The following JAM2 variants were observed in gnomAD, a reference collection of about 807,000 sequenced individuals.
The protein encoded by JAM2 is junctional adhesion molecule B.
A neutral mutation model predicts 42.0 loss-of-function variants in JAM2; 17 were observed. The ratio of observed to expected loss-of-function variants is 0.40; its 90% CI spans 0.28 to 0.61. The LOEUF (loss-of-function observed/expected upper bound fraction) is 0.61. Ranked by LOEUF, JAM2 falls within the 20% of genes least tolerant of loss-of-function variation. The pLI, the probability that JAM2 is intolerant of heterozygous loss-of-function variation, is 0.37. For missense variants in JAM2, 319 were observed against 358.3 expected (o/e 0.89, Z 0.89); for synonymous variants, 118 against 128.6 (o/e 0.92, Z 0.56).
intron 7 of JAM2, among the ~76,000 whole-genome samples, chr21:25,706,349 T>A (rs1168525974): frequency 6.6e-6 from 1 of 152,114 alleles, no homozygotes; most frequent in Admixed American, 6.5e-5. Flanking sequence ...ACCCAGCTCA[T>A]CTTTGTATTT....
chr21:25,650,739 A>G (rs777038232), intron 1 of JAM2, among the ~76,000 whole-genome samples: 1 of 152,194 alleles, frequency 6.6e-6, no homozygotes, highest in Non-Finnish European at 1.5e-5. Context: ...TTATAGCCCT[A>G]TATTATAGTG....
At chr21:25,702,303 T>C in intron 6 of JAM2, 34 bp downstream of exon 6, 2 of 1,408,358 alleles carry the variant, frequency 1.4e-6, no homozygotes, top group Non-Finnish European at 2.0e-6. Context: ...ACAAATGGTT[T>C]GCAATTCGAC....
In JAM2 at chr21:25,689,302, G is replaced by A. The variant is rs547551253; in HGVS notation, c.134-564G>A. Among the ~76,000 whole-genome samples the A allele has an allele frequency of 2.0e-5, 3 of 152,292 alleles. No individual in the cohort carries two copies. The East Asian group carries it at 5.8e-4, about 29-fold the overall frequency. ...TTTGTAGAGAAGGTTGACAAAGAAG[G>A]GATCTGAGTGAGAATATAGCATGTT... On this transcript the variant is annotated intron_variant, in intron 2 of 9. Coordinates refer to ENST00000480456, the MANE Select transcript of JAM2 (RefSeq NM_021219.4).
intron 2 of JAM2, among the ~76,000 whole-genome samples, chr21:25,684,582 ATTG>A (rs1005305246): frequency 6.6e-5 from 10 of 151,968 alleles, no homozygotes; most frequent in East Asian, 1.9e-4. Flanking sequence ...ATAAGCTTTC[ATTG>A]TTGTTGTTGT....
chr21:25,687,824 G>C (rs1404115369), intron 2 of JAM2, among the ~76,000 whole-genome samples: 1 of 152,120 alleles, frequency 6.6e-6, no homozygotes, highest in Non-Finnish European at 1.5e-5. Context: ...GGTGAACTCT[G>C]GCTACTGTTT....
chr21:25,684,379 G>C (rs893497350), intron 2 of JAM2, among the ~76,000 whole-genome samples: 5 of 152,128 alleles, frequency 3.3e-5, no homozygotes, highest in African/African-American at 1.2e-4. Context: ...TTTATAAGGA[G>C]GAGTTAATTT....
chr21:25,660,793 T>A (rs2033067684), intron 1 of JAM2, among the ~76,000 whole-genome samples: 3 of 93,612 alleles, frequency 3.2e-5, no homozygotes, highest in African/African-American at 1.0e-4. Context: ...TTTTTTTTTT[T>A]TTTTTTTTTT....
At chr21:25,643,091 A>G (rs1378173252) in intron 1 of JAM2, among the ~76,000 whole-genome samples, 1 of 152,230 alleles carries the variant, frequency 6.6e-6, no homozygotes, top group South Asian at 2.1e-4. Flanking sequence ...TGGTGATTAG[A>G]TTTCAACATA....
chr21:25,655,507 G>C (rs2032910146), intron 1 of JAM2, among the ~76,000 whole-genome samples: 1 of 143,914 alleles, frequency 6.9e-6, no homozygotes, highest in Non-Finnish European at 1.5e-5. Flanking sequence ...TTGAGACGGA[G>C]TCTCACTCTG....
At chr21:25,684,024 C>A in intron 2 of JAM2, 76 bp downstream of exon 2, 2 of 948,264 alleles carry the variant, frequency 2.1e-6, no homozygotes, top group South Asian at 1.8e-5. Context: ...ATGTTATTTT[C>A]TATTTGTTGG....
At chr21:25,714,501 A>G in intron 9 of JAM2, 139 bp from the exon 10 acceptor site, 1 of 668,630 alleles carries the variant, frequency 1.5e-6, no homozygotes, top group Non-Finnish European at 2.3e-6. Flanking sequence ...CCATCTCAAA[A>G]AATAAAATAA....
Position 25,689,929 on chromosome 21 carries a change from T to A in JAM2, c.197T>A (p.Leu66Gln), listed in dbSNP as rs1469026520. The change falls in exon 3 of 10, where the codon CTG becomes CAG. Residue 66 changes from leucine to glutamine, a missense_variant. Leu to Gln is a moderately radical substitution (Grantham distance 113, BLOSUM62 -2). Coordinates refer to ENST00000480456, the MANE Select transcript of JAM2 (RefSeq NM_021219.4). The stretch of plus-strand genomic sequence containing the variant: ...TCCTCCAGATTAGAGTGGAAGAAAC[T>A]GGGTCGGAGTGTCTCCTTTGTCTAC... Reference protein sequence around the residue: ...TVSSRLEWKKLGRSVSFVYYQ... With the variant: ...TVSSRLEWKKQGRSVSFVYYQ... 6.2e-7 allele frequency: 1 copy of A among 1,613,694 alleles called. No individual in the cohort carries two copies.
At chr21:25,640,439 G>A (rs2032401025) in intron 1 of JAM2, among the ~76,000 whole-genome samples, 1 of 152,222 alleles carries the variant, frequency 6.6e-6, no homozygotes, top group Admixed American at 6.5e-5. Context: ...CTCTCCACCT[G>A]CACATCTACA....
chr21:25,655,204 A>G (rs1037898607), intron 1 of JAM2, among the ~76,000 whole-genome samples: 5 of 152,062 alleles, frequency 3.3e-5, no homozygotes, highest in African/African-American at 1.2e-4. Context: ...TAAAATCTTT[A>G]TAACTTTAAT....
At chr21:25,655,214 T>C (rs932110200) in intron 1 of JAM2, among the ~76,000 whole-genome samples, 1 of 151,944 alleles carries the variant, frequency 6.6e-6, no homozygotes, top group African/African-American at 2.4e-5. Flanking sequence ...ATAACTTTAA[T>C]CTGGATGATG....
intron 1 of JAM2, among the ~76,000 whole-genome samples, chr21:25,642,231 C>T (rs2032466432): frequency 6.6e-6 from 1 of 152,058 alleles, no homozygotes; most frequent in Admixed American, 6.6e-5. Flanking sequence ...GAGAGTTATG[C>T]TCCATCTCCT....
chr21:25,705,367 AC>A (rs1393012466), intron 6 of JAM2, among the ~76,000 whole-genome samples: 1 of 152,066 alleles, frequency 6.6e-6, no homozygotes, highest in Non-Finnish European at 1.5e-5. Context: ...AGTAGCTGGG[AC>A]TCCAGGAATG....
chr21:25,700,405 G>A (rs1006092643), intron 5 of JAM2, among the ~76,000 whole-genome samples: 1 of 151,896 alleles, frequency 6.6e-6, no homozygotes, highest in Non-Finnish European at 1.5e-5. Context: ...CTATTGCCCC[G>A]GCTGGAGTGC....
intron 2 of JAM2, among the ~76,000 whole-genome samples, chr21:25,689,536 T>C (rs2033830167): frequency 6.6e-6 from 1 of 152,218 alleles, no homozygotes; most frequent in Admixed American, 6.5e-5. Context: ...TAGCTGCCAT[T>C]TGTTAAGTCC....
Sources: allele counts gnomAD v4.1 joint callset (sites outside exome capture counted in the v4.1 genomes callset), GRCh38; gene constraint gnomAD v4.1.1; transcripts MANE v1.5; gene names NCBI Gene and HGNC (gene_info 2026-07-23, HGNC 2026-07-21).